ARMC8: variants seen among roughly 807,000 people sequenced by gnomAD.
The protein encoded by ARMC8 is armadillo repeat-containing protein 8.
Under a neutral mutation model 99.3 loss-of-function variants are expected in ARMC8, and 20 were observed. The observed-to-expected ratio is 0.20, with a 90% CI of 0.14 to 0.29. The LOEUF (loss-of-function observed/expected upper bound fraction) is 0.29. Among genes scored for constraint, ARMC8 ranks in the 10% least tolerant of loss-of-function variants. The pLI is 1.00. For synonymous variants in ARMC8, 263 were observed against 278.3 expected (o/e 0.95, Z 0.55); for missense variants, 569 against 809.5 (o/e 0.70, Z 3.60).
chr3:138,192,068 C>T (rs2043416481), intron 1 of ARMC8, among the ~76,000 whole-genome samples: 2 of 152,114 alleles, frequency 1.3e-5, no homozygotes. Context: ...AATAAACTGA[C>T]AAACTTTTCC....
chr3:138,225,908 C>G (rs1344165361), intron 5 of ARMC8, among the ~76,000 whole-genome samples: 3 of 152,222 alleles, frequency 2.0e-5, no homozygotes, highest in Non-Finnish European at 4.4e-5. Flanking sequence ...TCCTCTGGCA[C>G]TTAATGATAC....
chr3:138,238,774 G>A (rs2046460954), intron 9 of ARMC8: 1 of 152,168 alleles, frequency 6.6e-6, no homozygotes, highest in Non-Finnish European at 1.5e-5. Flanking sequence ...GCCAACGTGA[G>A]ATGTTTTAAT....
chr3:138,252,728 A>T, intron 12 of ARMC8, among the ~76,000 whole-genome samples: 1 of 97,334 alleles, frequency 1.0e-5, no homozygotes, highest in East Asian at 3.8e-4. Context: ...TGCTGGGATT[A>T]CAGGCGTGAG....
chr3:138,191,327 A>G (rs78235982), intron 1 of ARMC8, among the ~76,000 whole-genome samples: 43 of 152,330 alleles, frequency 2.8e-4, no homozygotes, highest in East Asian at 2.7e-3. Flanking sequence ...AATTTCTGCA[A>G]TGTTTTCTAT....
chr3:138,214,157 T>TTTTG (rs1304548657), intron 2 of ARMC8, among the ~76,000 whole-genome samples: 1 of 148,290 alleles, frequency 6.7e-6, no homozygotes, highest in Non-Finnish European at 1.5e-5. Context: ...TTTTGTTTTG[T>TTTTG]TTAAAAAAAA....
intron 1 of ARMC8, among the ~76,000 whole-genome samples, chr3:138,194,565 C>T (rs1166521096): frequency 6.6e-6 from 1 of 151,822 alleles, no homozygotes; most frequent in Non-Finnish European, 1.5e-5. Context: ...GTCTCGATCT[C>T]CTGACCTCGT....
chr3:138,294,442 G>A (rs1169331975), intron 21 of ARMC8, among the ~76,000 whole-genome samples: 2 of 152,190 alleles, frequency 1.3e-5, no homozygotes, highest in African/African-American at 4.8e-5. Flanking sequence ...TGTCCTTGTA[G>A]AACCCTACTT....
At chr3:138,197,315 A>G (rs567475606) in intron 1 of ARMC8, among the ~76,000 whole-genome samples, 1 of 152,342 alleles carries the variant, frequency 6.6e-6, no homozygotes, top group African/African-American at 2.4e-5. Context: ...GCTCCAAGGC[A>G]GGGCTATTAC....
At chr3:138,235,225 T>G in intron 7 of ARMC8, 111 bp downstream of exon 7, 1 of 790,032 alleles carries the variant, frequency 1.3e-6, no homozygotes, top group Admixed American at 2.8e-5. Context: ...AGTAGTATTT[T>G]ATCAGTAAAA....
intron 12 of ARMC8, chr3:138,262,655 G>A: frequency 1.4e-6 from 2 of 1,460,052 alleles, no homozygotes; most frequent in Non-Finnish European, 1.8e-6. Context: ...TAATTTAATT[G>A]GTCTGCTGTA....
chr3:138,238,929 G>T (rs923614188), intron 9 of ARMC8: 2 of 152,168 alleles, frequency 1.3e-5, no homozygotes, highest in African/African-American at 4.8e-5. Context: ...TTGTTTTTCA[G>T]TAGAACCAAA....
chr3:138,286,661 T>C (rs2108368482), intron 19 of ARMC8, among the ~76,000 whole-genome samples: 1 of 152,316 alleles, frequency 6.6e-6, no homozygotes, highest in South Asian at 2.1e-4. Context: ...TTAATAGATC[T>C]AGGGTTATAG....
At chr3:138,230,644 AC>A (rs1480983770) in intron 6 of ARMC8, among the ~76,000 whole-genome samples, 1 of 152,100 alleles carries the variant, frequency 6.6e-6, no homozygotes, top group Non-Finnish European at 1.5e-5. Flanking sequence ...ACAGAACGAG[AC>A]CCTGTCTCAA....
chr3:138,217,123 T>G (rs2045096428), intron 2 of ARMC8, among the ~76,000 whole-genome samples: 2 of 152,214 alleles, frequency 1.3e-5, no homozygotes, highest in Non-Finnish European at 2.9e-5. Flanking sequence ...CTAGTTGGTG[T>G]AAGTACACTC....
chr3:138,235,219 G>C, intron 7 of ARMC8, 105 bp downstream of exon 7: 1 of 719,062 alleles, frequency 1.4e-6, no homozygotes, highest in Non-Finnish European at 2.2e-6. Context: ...ATCAAAAGTA[G>C]TATTTTATCA....
intron 1 of ARMC8, among the ~76,000 whole-genome samples, chr3:138,191,607 C>T (rs1009778684): frequency 5.9e-5 from 9 of 152,128 alleles, no homozygotes; most frequent in African/African-American, 1.7e-4. Flanking sequence ...ATTCCGTCAC[C>T]GCAAAGATCT....
At chr3:138,256,097 A>G (rs1425915061) in intron 12 of ARMC8, among the ~76,000 whole-genome samples, 1 of 152,266 alleles carries the variant, frequency 6.6e-6, no homozygotes, top group Non-Finnish European at 1.5e-5. Flanking sequence ...ATAACAGGGT[A>G]TGGATGGGAA....
chr3:138,246,329 A>G, intron 12 of ARMC8: 4 of 985,508 alleles, frequency 4.1e-6, no homozygotes, highest in Non-Finnish European at 4.8e-6. Context: ...TTTTTAGTGT[A>G]TCCCTATGAA....
chr3:138,234,401 C>T (rs1401457766), intron 6 of ARMC8, among the ~76,000 whole-genome samples: 1 of 152,130 alleles, frequency 6.6e-6, no homozygotes, highest in African/African-American at 2.4e-5. Context: ...TGAGCCACTG[C>T]GCCTGGCTGA....
Sources: allele counts gnomAD v4.1 joint callset (sites outside exome capture counted in the v4.1 genomes callset), GRCh38; gene constraint gnomAD v4.1.1; transcripts MANE v1.5; gene names NCBI Gene and HGNC (gene_info 2026-07-23, HGNC 2026-07-21).